Variants in GPM6A observed in about 807,000 individuals in gnomAD.
GPM6A encodes neuronal membrane glycoprotein M6-a.
A neutral mutation model predicts 32.1 loss-of-function variants in GPM6A; 7 were observed. The ratio of observed to expected loss-of-function variants is 0.22; its 90% confidence interval spans 0.12 to 0.41. GPM6A has a LOEUF of 0.41. Ranked by LOEUF, GPM6A falls within the 10% of genes least tolerant of loss-of-function variation. The pLI is 1.00. For synonymous variants in GPM6A, 130 were observed against 123.4 expected, an observed-to-expected ratio of 1.05 and a Z score of -0.35; for missense variants, 235 against 347.2, an observed-to-expected ratio of 0.68 and a Z score of 2.57.
At chr4:175,860,184 A>G (rs1160031659) in intron 1 of GPM6A, among the ~76,000 whole-genome samples, 1 of 152,060 alleles carries the variant, frequency 6.6e-6, no homozygotes, top group East Asian at 1.9e-4. Flanking sequence ...AGAAGTGAGA[A>G]GATAACAATA....
intron 4 of GPM6A, among the ~76,000 whole-genome samples, chr4:175,643,495 C>A (rs1741274134): frequency 6.6e-6 from 1 of 152,164 alleles, no homozygotes; most frequent in African/African-American, 2.4e-5. Context: ...GCTCTTCTCT[C>A]TGACAAGAAT....
intron 6 of GPM6A, among the ~76,000 whole-genome samples, chr4:175,637,243 A>T (rs28781940): frequency 2.3e-5 from 2 of 85,272 alleles, no homozygotes; most frequent in African/African-American, 4.7e-5. Context: ...TATATTATAT[A>T]TTATATATAA....
chr4:175,931,818 C>T (rs965633960), intron 1 of GPM6A, among the ~76,000 whole-genome samples: 2 of 151,834 alleles, frequency 1.3e-5, no homozygotes, highest in Non-Finnish European at 2.9e-5. Context: ...GACATGGTGG[C>T]TTATGCCTAT....
chr4:175,853,304 A>G (rs1736317766), intron 1 of GPM6A, among the ~76,000 whole-genome samples: 1 of 152,112 alleles, frequency 6.6e-6, no homozygotes, highest in Admixed American at 6.6e-5. Context: ...ATGATATCAA[A>G]AAAGATTATT....
chr4:175,915,677 G>A (rs1738471311), intron 1 of GPM6A, among the ~76,000 whole-genome samples: 1 of 151,992 alleles, frequency 6.6e-6, no homozygotes, highest in Non-Finnish European at 1.5e-5. Context: ...AAGGAGCTAG[G>A]CACAATTTGA....
intron 1 of GPM6A, chr4:176,002,295 G>T: frequency 1.2e-6 from 2 of 1,600,266 alleles, no homozygotes; most frequent in Middle Eastern, 1.7e-4. Context: ...GTACGCGCCC[G>T]CCCGCGCACT....
At chr4:175,829,421 A>G (rs1735536869) in intron 1 of GPM6A, among the ~76,000 whole-genome samples, 1 of 151,856 alleles carries the variant, frequency 6.6e-6, no homozygotes, top group African/African-American at 2.4e-5. Flanking sequence ...ATAATTTGTT[A>G]AAGACACTGT....
At chr4:175,801,226 A>G (rs556261641) in intron 1 of GPM6A, among the ~76,000 whole-genome samples, 1 of 152,272 alleles carries the variant, frequency 6.6e-6, no homozygotes, top group Non-Finnish European at 1.5e-5. Flanking sequence ...CCACATAAGT[A>G]TAATATGCAG....
At chr4:175,664,181 T>C (rs1438625642) in intron 3 of GPM6A, among the ~76,000 whole-genome samples, 1 of 151,632 alleles carries the variant, frequency 6.6e-6, no homozygotes, top group African/African-American at 2.4e-5. Context: ...TCTATAGGGG[T>C]TGGGGGTGAG....
At chr4:175,764,467 C>A (rs1732880088) in intron 1 of GPM6A, among the ~76,000 whole-genome samples, 1 of 152,118 alleles carries the variant, frequency 6.6e-6, no homozygotes, top group South Asian at 2.1e-4. Context: ...TTTAGCAGTA[C>A]ATTTGGCTTG....
At chr4:175,734,567 TA>T (rs111710260) in intron 1 of GPM6A, among the ~76,000 whole-genome samples, 15,924 of 143,476 alleles carry the variant, frequency 0.11, 1,124 homozygotes, top group East Asian at 0.46. Flanking sequence ...CTTTACTTTT[TA>T]AAAAAAAAAA....
At chr4:175,804,411 T>C (rs914916201) in intron 1 of GPM6A, among the ~76,000 whole-genome samples, 1 of 152,194 alleles carries the variant, frequency 6.6e-6, no homozygotes. Flanking sequence ...TTTTGTTACA[T>C]GACAATTCTT....
chr4:175,637,122 AAT>A (rs1397529009), intron 6 of GPM6A, among the ~76,000 whole-genome samples: 7 of 119,604 alleles, frequency 5.9e-5, no homozygotes, highest in Non-Finnish European at 6.6e-5. Context: ...TGTGATATAT[AAT>A]ATATAATATA....
intron 1 of GPM6A, among the ~76,000 whole-genome samples, chr4:175,879,116 C>A (rs1579590851): frequency 1.3e-5 from 2 of 152,170 alleles, no homozygotes; most frequent in Admixed American, 1.3e-4. Context: ...CCATCTGAGG[C>A]CCCCTCAGTC....
chr4:175,678,041 G>A (rs921501484), intron 2 of GPM6A, among the ~76,000 whole-genome samples: 30 of 152,158 alleles, frequency 2.0e-4, no homozygotes, highest in South Asian at 1.0e-3. Flanking sequence ...AAAAAACAGC[G>A]TATACGTCTT....
rs1736629330 is a variant in GPM6A at position 175,863,334 on chromosome 4, T to C, written c.-22-51085A>G. The stretch of plus-strand genomic sequence containing the variant: ...ATTTTATATAAATAAAATCCTATAC[T>C]ATGCATAGTTTTTGTGGATTTTTTT... On this transcript the variant is annotated intron_variant, in intron 1 of 7. Transcript: ENST00000280187. Among the ~76,000 whole-genome samples, 7 of 152,326 alleles carry C rather than the reference T, an allele frequency of 4.6e-5. No homozygotes were observed. The South Asian group carries it at 1.5e-3, about 32-fold the overall frequency.
At chr4:175,637,257 A>ATC (rs1491429171) in intron 6 of GPM6A, among the ~76,000 whole-genome samples, 1 of 74,512 alleles carries the variant, frequency 1.3e-5, no homozygotes, top group Non-Finnish European at 2.4e-5. Flanking sequence ...TATATAATAT[A>ATC]AAATATATAT....
chr4:175,690,558 C>T (rs73002104), intron 2 of GPM6A, among the ~76,000 whole-genome samples: 125 of 152,334 alleles, frequency 8.2e-4, no homozygotes, highest in Middle Eastern at 3.4e-3. Context: ...TTGCACTTTC[C>T]GACTTTCAGA....
chr4:175,687,253 C>T (rs562622983), intron 2 of GPM6A, among the ~76,000 whole-genome samples: 9 of 152,210 alleles, frequency 5.9e-5, no homozygotes, highest in African/African-American at 9.6e-5. Flanking sequence ...ATAAGCACAA[C>T]GTGGTATAGC....
Sources: gnomAD v4.1 joint callset for allele counts (sites outside exome capture counted in the v4.1 genomes callset) on GRCh38, gnomAD v4.1.1 for gene constraint, MANE v1.5 for transcripts, NCBI Gene and HGNC (gene_info 2026-07-23, HGNC 2026-07-21) for gene names.